The following CDH11 variants were observed in gnomAD, a reference collection of about 807,000 sequenced individuals.
CDH11 encodes the protein cadherin 11.
A neutral mutation model predicts 67.8 loss-of-function variants in CDH11; 11 were observed. The observed-to-expected ratio is 0.16, with a 90% CI of 0.10 to 0.27. The LOEUF is 0.27. Among genes scored for constraint, CDH11 ranks in the 10% least tolerant of loss-of-function variants. The probability of loss-of-function intolerance (pLI) is 1.00; values close to 1 mark genes in which losing one functional copy is unlikely to be tolerated. For synonymous variants in CDH11, 419 were observed against 400.0 expected (o/e 1.05, Z -0.57); for missense variants, 847 against 1,031.2 (o/e 0.82, Z 2.45).
In CDH11 at chr16:65,112,553, C is replaced by T. The variant is rs148241980; in HGVS notation, c.-298+9327G>A. Among the ~76,000 whole-genome samples, 188 of 152,190 alleles carry T rather than the reference C, an allele frequency of 1.2e-3. 2 individuals are homozygous for T. Among genetic ancestry groups the T allele is most frequent in the African/African-American group, 4.4e-3 (182 of 41,526 alleles). On this transcript the variant is annotated intron_variant, in intron 1 of 12. Transcript: ENST00000268603. ...TGTCAGCTCTCTGAAGGGAAGCCCTCGTGATTTGACCACTTCTGTTTGCCC... is the reference window on the plus strand; with the variant it reads ...TGTCAGCTCTCTGAAGGGAAGCCCTTGTGATTTGACCACTTCTGTTTGCCC...
At chr16:65,100,557 T>A (rs1198375245) in intron 1 of CDH11, among the ~76,000 whole-genome samples, 1 of 151,770 alleles carries the variant, frequency 6.6e-6, no homozygotes, top group Admixed American at 6.6e-5. Context: ...GTTGACACGG[T>A]GAAACTCCGT....
rs1461937394 is a variant in CDH11, at chr16:64,998,566, A to G, written c.519T>C (p.Asn173=). 5 of 1,614,018 alleles carry G rather than the reference A, an allele frequency of 3.1e-6. No individual in the cohort carries two copies. Among genetic ancestry groups the G allele is most frequent in the Non-Finnish European group, 3.4e-6 (4 of 1,179,986 alleles). ...TYHANVPERS[N]VGTSVIQVTA... The stretch of plus-strand genomic sequence containing the variant: ...GGCCTCCCACACCGTACGCACCCAC[A>G]TTGGACCTCTCAGGCACGTTGGCAT... Residue 173 remains asparagine, a synonymous_variant, in exon 4 of 13, where the codon AAT becomes AAC. Coordinates refer to ENST00000268603, the MANE Select transcript of CDH11 (RefSeq NM_001797.4).
At chr16:65,105,150 C>T (rs960482680) in intron 1 of CDH11, among the ~76,000 whole-genome samples, 6 of 152,240 alleles carry the variant, frequency 3.9e-5, no homozygotes, top group South Asian at 2.1e-4. Context: ...AAAGCATACA[C>T]TTCATAAAGA....
At chr16:64,982,019 C>T in intron 8 of CDH11, 29 bp downstream of exon 8, 1 of 1,563,364 alleles carries the variant, frequency 6.4e-7, no homozygotes, top group Non-Finnish European at 8.7e-7. Context: ...AATTCCCCAT[C>T]CAAGCTCTTA....
chr16:65,061,322 T>C, intron 1 of CDH11, among the ~76,000 whole-genome samples: 1 of 152,314 alleles, frequency 6.6e-6, no homozygotes, highest in South Asian at 2.1e-4. Flanking sequence ...GGCCACAAAA[T>C]TATATAATTT....
chr16:65,060,348 T>TAGAG (rs61591569), intron 1 of CDH11, among the ~76,000 whole-genome samples: 2 of 140,840 alleles, frequency 1.4e-5, no homozygotes, highest in Non-Finnish European at 3.0e-5. Context: ...CATATATATA[T>TAGAG]ATATATAGAG....
At chr16:64,968,018 T>C (rs1452902610) in intron 11 of CDH11, among the ~76,000 whole-genome samples, 2 of 152,180 alleles carry the variant, frequency 1.3e-5, no homozygotes, top group Non-Finnish European at 2.9e-5. Flanking sequence ...GGATTGTTAT[T>C]ATTGACAATA....
In CDH11 at chr16:65,117,852, T is replaced by G. The variant is rs1004668632; in HGVS notation, c.-298+4028A>C. 3.3e-5 allele frequency among the ~76,000 whole-genome samples: 5 copies of G among 152,236 alleles called. No homozygotes were observed. In the South Asian group the frequency reaches 6.2e-4, roughly 19 times the overall value. On this transcript the variant is annotated intron_variant, in intron 1 of 12. Transcript: ENST00000268603. ...CAGAAAATCCTCCCAGATCACTGTC[T>G]CAGTGAGAGCTGACCTTGTTTATCC...
chr16:65,110,836 C>T (rs972312123), intron 1 of CDH11, among the ~76,000 whole-genome samples: 5 of 152,076 alleles, frequency 3.3e-5, no homozygotes, highest in African/African-American at 1.2e-4. Context: ...ATTTCCTAAA[C>T]ATAGGAAGGT....
At chr16:65,012,015 T>C (rs1335969426) in intron 2 of CDH11, among the ~76,000 whole-genome samples, 1 of 152,226 alleles carries the variant, frequency 6.6e-6, no homozygotes, top group African/African-American at 2.4e-5. Flanking sequence ...GGTTGAACTC[T>C]GAGGATACAC....
At chr16:65,062,821 G>T (rs2074253752) in intron 1 of CDH11, among the ~76,000 whole-genome samples, 1 of 152,192 alleles carries the variant, frequency 6.6e-6, no homozygotes, top group Non-Finnish European at 1.5e-5. Flanking sequence ...GGACATAGTG[G>T]TCTCACCTAT....
chr16:65,016,659 G>A (rs2142564703), intron 2 of CDH11, among the ~76,000 whole-genome samples: 1 of 152,258 alleles, frequency 6.6e-6, no homozygotes, highest in South Asian at 2.1e-4. Context: ...ACCCAAAAAT[G>A]GGGTTCAGCC....
intron 7 of CDH11, chr16:64,986,277 T>C (rs1597055370): frequency 1.3e-5 from 2 of 149,694 alleles, no homozygotes; most frequent in African/African-American, 4.9e-5. Context: ...TTACACTATT[T>C]AAAACCTAAG....
chr16:65,080,165 G>A (rs2074584615), intron 1 of CDH11, among the ~76,000 whole-genome samples: 1 of 151,820 alleles, frequency 6.6e-6, no homozygotes, highest in Admixed American at 6.6e-5. Context: ...GTCTCTGGGA[G>A]CTCTGCCTCT....
At chr16:65,084,081 C>T (rs573063492) in intron 1 of CDH11, among the ~76,000 whole-genome samples, 2 of 152,248 alleles carry the variant, frequency 1.3e-5, no homozygotes, top group South Asian at 4.1e-4. Flanking sequence ...CAAGAATTGT[C>T]CTGTTCAAAA....
chr16:65,032,964 C>T (rs2073674605), intron 2 of CDH11, among the ~76,000 whole-genome samples: 1 of 152,210 alleles, frequency 6.6e-6, no homozygotes, highest in Admixed American at 6.5e-5. Flanking sequence ...TAGACAGCCA[C>T]GCTTTTCCTC....
chr16:64,949,728 T>C lies in CDH11; in HGVS notation c.1894+1039A>G, dbSNP rs534184872. Among the ~76,000 whole-genome samples, 18 of 152,244 alleles carry C rather than the reference T, an allele frequency of 1.2e-4. No homozygotes were observed. The East Asian group carries it at 3.1e-3, about 26-fold the overall frequency. ...GGCGTGAGCTACTGCGCCTGGCCCATGTCAGGTGCTTTCTACTCTGTCCTC... is the reference window on the plus strand; with the variant it reads ...GGCGTGAGCTACTGCGCCTGGCCCACGTCAGGTGCTTTCTACTCTGTCCTC... On this transcript the variant is annotated intron_variant, in intron 12 of 12. Coordinates refer to ENST00000268603, the MANE Select transcript of CDH11 (RefSeq NM_001797.4).
chr16:64,993,212 TC>T, intron 4 of CDH11, among the ~76,000 whole-genome samples, 178 bp from the exon 5 acceptor site: 1 of 151,656 alleles, frequency 6.6e-6, no homozygotes, highest in Admixed American at 6.6e-5. Context: ...CTTCCTTCCT[TC>T]CTTCCTTCCT....
intron 1 of CDH11, among the ~76,000 whole-genome samples, chr16:65,111,673 A>AC (rs1491544537): frequency 8.3e-6 from 1 of 120,014 alleles, no homozygotes; most frequent in East Asian, 2.7e-4. Context: ...GGAAAGCTAG[A>AC]AACACACACA....
Sources: allele counts gnomAD v4.1 joint callset (sites outside exome capture counted in the v4.1 genomes callset), GRCh38; gene constraint gnomAD v4.1.1; transcripts MANE v1.5; gene names NCBI Gene and HGNC (gene_info 2026-07-23, HGNC 2026-07-21).